Variants in ARHGAP12 observed in about 807,000 individuals in gnomAD.
ARHGAP12 encodes the protein Rho GTPase activating protein 12, also known as rho GTPase-activating protein 12.
Under a neutral mutation model 108.6 loss-of-function variants are expected in ARHGAP12, and 64 were observed. The ratio of observed to expected loss-of-function variants is 0.59; its 90% confidence interval spans 0.48 to 0.73. The LOEUF (loss-of-function observed/expected upper bound fraction) is 0.73, where lower values mean the gene tolerates loss of function less well. Ranked by LOEUF, ARHGAP12 falls within the 30% of genes least tolerant of loss-of-function variation. The probability of loss-of-function intolerance (pLI) is 0.00; values close to 1 mark genes in which losing one functional copy is unlikely to be tolerated. For missense variants in ARHGAP12, 940 were observed against 1,005.9 expected, an observed-to-expected ratio of 0.93 and a Z score of 0.89; for synonymous variants, 312 against 337.2, an observed-to-expected ratio of 0.93 and a Z score of 0.82.
At chr10:31,867,339 A>T (rs888172301) in intron 3 of ARHGAP12, among the ~76,000 whole-genome samples, 59 of 152,212 alleles carry the variant, frequency 3.9e-4, no homozygotes, top group African/African-American at 1.3e-3. Flanking sequence ...TGGCAAAAAG[A>T]AAGTGCACAT....
rs1183359195 is a variant in ARHGAP12 at position 31,817,886 on chromosome 10, G to T, written c.1633C>A (p.Leu545Met). ...AGTTCTGTTCCTTGACGAGTTTTCA[G>T]CTTTAGAGAAAAGCAGGGAGAAAAA... ...DKSSKKNVFE[L>M]KTRQGTELLI... Residue 545 changes from leucine (L) to methionine (M), a missense_variant and splice_region_variant, in exon 13 of 20, where the codon CTG becomes ATG. Coordinates refer to ENST00000344936, the MANE Select transcript of ARHGAP12 (RefSeq NM_018287.7). 1 of 1,607,674 alleles carries T rather than the reference G, an allele frequency of 6.2e-7. No individual in the cohort carries two copies. Among genetic ancestry groups the T allele is most frequent in the East Asian group, 2.2e-5 (1 of 44,744 alleles).
rs143153220 is a variant in ARHGAP12 at position 31,812,781 on chromosome 10, GT to G, written c.1876del (p.Thr626ProfsTer5). 1.9e-6 allele frequency: 3 copies of G among 1,608,260 alleles called. No individual in the cohort carries two copies. The highest frequency in any genetic ancestry group is 1.1e-5 in the South Asian group (1 of 90,668). ...SSIDSSEQKK[T>X]KKNLKKFLTR... ...AAGAAACTTCTTTAAGTTTTTCTTG[GT>G]TTTTTTCTGTTCTGAAGAATCTATG... On this transcript the variant is annotated frameshift_variant, in exon 15 of 20. Coordinates refer to ENST00000344936, the MANE Select transcript of ARHGAP12 (RefSeq NM_018287.7). LOFTEE classifies it high-confidence loss of function.
At chr10:31,818,076 T>TA (rs1437445349) in intron 12 of ARHGAP12, among the ~76,000 whole-genome samples, 190 bp from the exon 13 acceptor site, 1 of 152,108 alleles carries the variant, frequency 6.6e-6, no homozygotes, top group African/African-American at 2.4e-5. Context: ...ATCAGTTGAA[T>TA]AAAAAAACAT....
chr10:31,839,880 G>A (rs1463080008), intron 7 of ARHGAP12, among the ~76,000 whole-genome samples, 169 bp from the exon 8 acceptor site: 3 of 151,760 alleles, frequency 2.0e-5, no homozygotes, highest in South Asian at 2.1e-4. Flanking sequence ...AACTACAAAC[G>A]TTATTAAAAG....
chr10:31,873,658 CA>C (rs953560672), intron 3 of ARHGAP12, among the ~76,000 whole-genome samples: 12 of 152,252 alleles, frequency 7.9e-5, no homozygotes, highest in South Asian at 2.1e-4. Context: ...ATGAATAAAC[CA>C]AAGACCCCTT....
At chr10:31,831,457 T>C (rs1017828893) in intron 10 of ARHGAP12, among the ~76,000 whole-genome samples, 17 of 151,902 alleles carry the variant, frequency 1.1e-4, no homozygotes, top group African/African-American at 3.6e-4. Flanking sequence ...CTTTGTTTTT[T>C]ACCATGTGCA....
intron 15 of ARHGAP12, among the ~76,000 whole-genome samples, chr10:31,811,542 C>CTTTTTT (rs34453459): frequency 7.4e-6 from 1 of 136,004 alleles, no homozygotes; most frequent in Non-Finnish European, 1.6e-5. Flanking sequence ...ATTTGCCAGG[C>CTTTTTT]TTTTTTTTTT....
chr10:31,904,765 T>C (rs1839060066), intron 3 of ARHGAP12, among the ~76,000 whole-genome samples: 1 of 152,160 alleles, frequency 6.6e-6, no homozygotes, highest in Non-Finnish European at 1.5e-5. Flanking sequence ...TAGCTGGGAC[T>C]ACAGGCACAT....
intron 9 of ARHGAP12, among the ~76,000 whole-genome samples, chr10:31,838,990 T>C (rs1836144853): frequency 1.3e-5 from 2 of 151,918 alleles, no homozygotes; most frequent in Non-Finnish European, 2.9e-5. Flanking sequence ...CACTCCAGCC[T>C]GGACAACAGA....
At position 31,908,470 on chromosome 10, in the gene ARHGAP12, A is replaced by G. The variant is rs61758696; in HGVS notation, c.386T>C (p.Ile129Thr). 28 of 1,614,144 alleles carry G rather than the reference A, an allele frequency of 1.7e-5. No homozygotes were observed. The East Asian group carries it at 2.0e-4, about 12-fold the overall frequency. The change falls in exon 3 of 20, where the codon ATT becomes ACT. Residue 129 changes from isoleucine (I) to threonine (T), a missense_variant. By Grantham distance (89) the Ile-to-Thr change is moderately conservative. Coordinates refer to ENST00000344936, the MANE Select transcript of ARHGAP12 (RefSeq NM_018287.7). ...PSSSVQGTGL[I>T]RDANQNFGPS... is the part of the protein sequence containing the mutation. The stretch of plus-strand genomic sequence containing the variant: ...TCCAAAATTCTGATTGGCATCACGA[A>G]TAAGACCTGTTCCTTGAACAGATGA...
At chr10:31,867,115 TTTG>T (rs1285533933) in intron 3 of ARHGAP12, among the ~76,000 whole-genome samples, 2 of 150,364 alleles carry the variant, frequency 1.3e-5, no homozygotes, top group African/African-American at 5.0e-5. Context: ...TTTTCTTTTT[TTTG>T]TTTTTTTTTT....
intron 3 of ARHGAP12, among the ~76,000 whole-genome samples, chr10:31,889,976 C>T (rs1838351608): frequency 6.6e-6 from 1 of 152,102 alleles, no homozygotes; most frequent in Non-Finnish European, 1.5e-5. Context: ...CATACTTGTA[C>T]TTAGTCATTC....
At chr10:31,917,162 C>G (rs1839592358) in intron 1 of ARHGAP12, among the ~76,000 whole-genome samples, 1 of 149,880 alleles carries the variant, frequency 6.7e-6, no homozygotes, top group African/African-American at 2.5e-5. Flanking sequence ...TTAATCCCAG[C>G]ACTTTGGGGG....
intron 3 of ARHGAP12, among the ~76,000 whole-genome samples, chr10:31,897,951 T>C (rs567337860): frequency 3.9e-5 from 6 of 151,942 alleles, no homozygotes; most frequent in Non-Finnish European, 7.4e-5. Flanking sequence ...CAAGGTAAAA[T>C]CCCATCTCTA....
chr10:31,912,706 A>G (rs1839401821), intron 1 of ARHGAP12, among the ~76,000 whole-genome samples: 1 of 152,206 alleles, frequency 6.6e-6, no homozygotes, highest in African/African-American at 2.4e-5. Flanking sequence ...ACAATGGGAT[A>G]GAAAGTAAGA....
At chr10:31,831,481 GA>G (rs35176574) in intron 10 of ARHGAP12, among the ~76,000 whole-genome samples, 5 of 148,890 alleles carry the variant, frequency 3.4e-5, no homozygotes, top group South Asian at 2.1e-4. Flanking sequence ...ACTGCTTACT[GA>G]AAAAAAAAAT....
chr10:31,815,128 A>G (rs1835156995), intron 13 of ARHGAP12, among the ~76,000 whole-genome samples: 1 of 151,288 alleles, frequency 6.6e-6, no homozygotes, highest in Non-Finnish European at 1.5e-5. Flanking sequence ...CTCAAAAAAA[A>G]AAAAAAAAGA....
chr10:31,917,634 T>C (rs1839618317), intron 1 of ARHGAP12, among the ~76,000 whole-genome samples: 1 of 152,208 alleles, frequency 6.6e-6, no homozygotes, highest in African/African-American at 2.4e-5. Context: ...TGCATGTGTT[T>C]ACCAATCCCC....
intron 3 of ARHGAP12, among the ~76,000 whole-genome samples, chr10:31,891,097 T>A (rs889905432): frequency 1.3e-5 from 2 of 152,188 alleles, no homozygotes; most frequent in Admixed American, 6.5e-5. Context: ...CTATAACAAA[T>A]TCGGGAACTG....
Sources: allele counts gnomAD v4.1 joint callset (sites outside exome capture counted in the v4.1 genomes callset), GRCh38; gene constraint gnomAD v4.1.1; transcripts MANE v1.5; gene names NCBI Gene and HGNC (gene_info 2026-07-23, HGNC 2026-07-21).